NFATC1: variants seen among roughly 807,000 people sequenced by gnomAD.
The protein encoded by NFATC1 is nuclear factor of activated T cells 1.
Under a neutral mutation model 76.0 loss-of-function variants are expected in NFATC1, and 22 were observed. The ratio of observed to expected loss-of-function variants is 0.29; its 90% CI spans 0.21 to 0.41. The LOEUF is 0.41. Among genes scored for constraint, NFATC1 ranks in the 10% least tolerant of loss-of-function variants. The pLI is 1.00. For missense variants in NFATC1, 1,357 were observed against 1,337.7 expected (o/e 1.01, Z -0.23); for synonymous variants, 704 against 613.1 (o/e 1.15, Z -2.19).
Position 79,411,011 on chromosome 18 carries a change from G to A in NFATC1, c.736G>A (p.Val246Ile), listed in dbSNP as rs773206226. 45 of 1,611,154 alleles carry A rather than the reference G, an allele frequency of 2.8e-5. No individual in the cohort carries two copies. The highest frequency in any genetic ancestry group is 1.8e-4 in the East Asian group (8 of 44,822). The change falls in exon 2 of 10, where the codon GTC (valine) becomes ATC (isoleucine). Residue 246 changes from valine (V) to isoleucine (I), a missense_variant. This residue lies in a region of NFATC1 where 691 missense variants were observed against 613.1 expected (regional missense o/e 1.13). Coordinates refer to ENST00000427363, the MANE Select transcript of NFATC1 (RefSeq NM_001278669.2). The part of the protein sequence containing the change: ...HSPSTSPRAS[V>I]TEESWLGARS... ...CCCCTCCACCTCGCCCCGCGCCAGC[G>A]TCACTGAGGAGAGCTGGCTGGGTGC... is the stretch of plus-strand genomic sequence containing the variant.
intron 2 of NFATC1, among the ~76,000 whole-genome samples, chr18:79,426,301 G>GA (rs60550928): frequency 6.6e-5 from 10 of 151,194 alleles, no homozygotes; most frequent in Admixed American, 3.9e-4. Context: ...GCTTTCGGCT[G>GA]AAAAAAAATC....
chr18:79,486,544 G>A lies in NFATC1; in HGVS notation c.2389G>A (p.Ala797Thr). 6.3e-7 allele frequency: 1 copy of A among 1,595,938 alleles called. No homozygotes were observed. Among genetic ancestry groups the A allele is most frequent in the Non-Finnish European group, 8.5e-7 (1 of 1,176,582 alleles). ...CGGACTCCCGCAGCCGGCCGGAGAG[G>A]CCCCCGCCGTCCAGGACGTGCCCAG... Reference protein sequence around the residue: ...HLGLPQPAGEAPAVQDVPRPV... With the variant: ...HLGLPQPAGETPAVQDVPRPV... The change falls in exon 9 of 10, where the codon GCC becomes ACC. Residue 797 changes from alanine to threonine, a missense_variant. Coordinates refer to ENST00000427363, the MANE Select transcript of NFATC1 (RefSeq NM_001278669.2).
chr18:79,517,478 G>A (rs71366535), intron 9 of NFATC1, among the ~76,000 whole-genome samples: 6,293 of 152,246 alleles, frequency 0.041, 188 homozygotes, highest in Middle Eastern at 0.1. Context: ...TGGGACGGTG[G>A]GCCTTAGAAG....
At chr18:79,429,626 T>C (rs1302884680) in intron 2 of NFATC1, among the ~76,000 whole-genome samples, 2 of 152,170 alleles carry the variant, frequency 1.3e-5, no homozygotes, top group Non-Finnish European at 2.9e-5. Flanking sequence ...CGGTCCCGTC[T>C]CCGCAGCAGT....
At chr18:79,517,683 GCCTGTGT>G (rs2090416981) in intron 9 of NFATC1, among the ~76,000 whole-genome samples, 1 of 152,210 alleles carries the variant, frequency 6.6e-6, no homozygotes. Context: ...TAATTCTGAG[GCCTGTGT>G]CCTTGCCAAA....
At position 79,410,253 on chromosome 18, in the gene NFATC1, C is replaced by T. The variant is rs955513623; in HGVS notation, c.128-150C>T. The T allele has an allele frequency of 1.3e-5, 17 of 1,306,336 alleles. No individual in the cohort carries two copies. Among genetic ancestry groups the T allele is most frequent in the Middle Eastern group, 2.0e-4 (1 of 5,008 alleles). The allele number at this position is 1,306,336 out of a possible 1,614,324, so 80.9% of individuals were successfully genotyped here. On this transcript the variant is annotated intron_variant, in intron 1 of 9. Transcript: ENST00000427363. This position sits in a 1 kb window ranked among gnomAD's most constrained non-coding sequence, Gnocchi z 6.7. ...TCACTCCAAGTCGCCCGGAGCTGTCCGGCAGCGTGGTCTCAGGGACGTTTG... is the reference window on the plus strand; with the variant it reads ...TCACTCCAAGTCGCCCGGAGCTGTCTGGCAGCGTGGTCTCAGGGACGTTTG...
At chr18:79,471,380 G>A (rs1187401558) in intron 8 of NFATC1, among the ~76,000 whole-genome samples, 4 of 152,336 alleles carry the variant, frequency 2.6e-5, no homozygotes, top group South Asian at 4.2e-4. Flanking sequence ...AATCTGTCTC[G>A]TGGGGGGCTG....
intron 3 of NFATC1, among the ~76,000 whole-genome samples, chr18:79,435,356 T>TTG (rs1568958510): frequency 2.5e-4 from 16 of 64,370 alleles, no homozygotes; most frequent in African/African-American, 3.7e-4. Context: ...TTGTTTGTTT[T>TTG]TTTTTTTTTT....
rs2089871755 is a variant in NFATC1 at position 79,495,973 on chromosome 18, G to A, written c.2782+9036G>A. 5 of 152,412 alleles carry A rather than the reference G, an allele frequency of 3.3e-5. No homozygotes were observed. In the South Asian group the frequency reaches 1.0e-3, roughly 32 times the overall value. 9.4% of individuals were successfully genotyped at this position (152,412 alleles called of 1,614,324 possible). On this transcript the variant is annotated intron_variant, in intron 9 of 9. Coordinates refer to ENST00000427363, the MANE Select transcript of NFATC1 (RefSeq NM_001278669.2). ...GAACAGTAGTAAGGCGTCCGCAAGT[G>A]TCACTGTAACGCAGGCAAGCCGTGA... is the stretch of plus-strand genomic sequence containing the variant.
chr18:79,409,978 T>G, intron 1 of NFATC1: 2 of 528,310 alleles, frequency 3.8e-6, no homozygotes, highest in Non-Finnish European at 7.5e-6. Context: ...GATGGGGTGG[T>G]TGAGGAAGGT....
chr18:79,402,878 A>G (rs902476063), intron 1 of NFATC1, among the ~76,000 whole-genome samples: 1 of 152,270 alleles, frequency 6.6e-6, no homozygotes, highest in African/African-American at 2.4e-5. Flanking sequence ...GGTGATAGAA[A>G]CTACTTCACG....
chr18:79,472,985 C>T (rs148737009), intron 8 of NFATC1, among the ~76,000 whole-genome samples: 25 of 152,386 alleles, frequency 1.6e-4, no homozygotes, highest in Non-Finnish European at 2.9e-4. Context: ...ATGCCATGTC[C>T]TGCACAGGAA....
intron 9 of NFATC1, among the ~76,000 whole-genome samples, chr18:79,494,093 G>A (rs368760894): frequency 2.0e-5 from 3 of 152,248 alleles, no homozygotes; most frequent in East Asian, 1.9e-4. Flanking sequence ...GCCAGGCAGC[G>A]TGTGGCTGAG....
At position 79,411,218 on chromosome 18, in the gene NFATC1, G is replaced by T. The variant is rs779866756; in HGVS notation, c.943G>T (p.Ala315Ser). 6.2e-7 allele frequency: 1 copy of T among 1,606,358 alleles called. No individual in the cohort carries two copies. The highest frequency in any genetic ancestry group is 8.5e-7 in the Non-Finnish European group (1 of 1,179,812). ...TQYTSSAIVA[A>S]INALTTDSSL... ...GTACACCAGCTCGGCCATCGTGGCC[G>T]CCATCAACGCGCTGACCACCGACAG... The change falls in exon 2 of 10, where the codon GCC becomes TCC. Residue 315 changes from alanine (A) to serine (S), a missense_variant. Coordinates refer to ENST00000427363, the MANE Select transcript of NFATC1 (RefSeq NM_001278669.2).
intron 8 of NFATC1, among the ~76,000 whole-genome samples, chr18:79,478,046 A>G (rs2089143823): frequency 6.6e-6 from 1 of 151,942 alleles, no homozygotes; most frequent in Admixed American, 6.6e-5. Flanking sequence ...CCACTTGTCT[A>G]AAGCCACAGG....
chr18:79,501,484 T>C (rs1278330994), intron 9 of NFATC1, among the ~76,000 whole-genome samples: 1 of 152,200 alleles, frequency 6.6e-6, no homozygotes, highest in African/African-American at 2.4e-5. Context: ...TTCTAGCCAG[T>C]GTAGCCAGGT....
At chr18:79,511,452 C>T (rs774272466) in intron 9 of NFATC1, among the ~76,000 whole-genome samples, 3 of 152,230 alleles carry the variant, frequency 2.0e-5, no homozygotes, top group Non-Finnish European at 4.4e-5. Context: ...CTAACACAGA[C>T]AGCAGTGACT....
chr18:79,414,037 G>T (rs113640563), intron 2 of NFATC1, among the ~76,000 whole-genome samples: 3 of 152,112 alleles, frequency 2.0e-5, no homozygotes, highest in Non-Finnish European at 4.4e-5. Flanking sequence ...CCACTGTTCT[G>T]GTTCCACATC....
rs2090716927 is a variant in NFATC1, at chr18:79,524,937, G to A, written c.2783-2591G>A. Among the ~76,000 whole-genome samples the A allele has an allele frequency of 6.6e-6, 1 of 151,928 alleles. No individual in the cohort carries two copies. Among genetic ancestry groups the A allele is most frequent in the Non-Finnish European group, 1.5e-5 (1 of 67,948 alleles). On this transcript the variant is annotated intron_variant, in intron 9 of 9. Transcript: ENST00000427363. This position sits in a 1 kb window ranked among gnomAD's most constrained non-coding sequence, Gnocchi z 7.2. ...CGGCCTGTCCCACGAACACGATGGAGACCTCAGACGCCGTCCCCACCCTGT... is the reference window on the plus strand; with the variant it reads ...CGGCCTGTCCCACGAACACGATGGAAACCTCAGACGCCGTCCCCACCCTGT...
Sources: allele counts gnomAD v4.1 joint callset (sites outside exome capture counted in the v4.1 genomes callset), GRCh38; gene constraint gnomAD v4.1.1; regional missense constraint gnomAD v4.1.1; non-coding constraint Gnocchi (gnomAD v3.1); transcripts MANE v1.5; gene names NCBI Gene and HGNC (gene_info 2026-07-23, HGNC 2026-07-21).